SOX5: variants seen among roughly 807,000 people sequenced by gnomAD.
SOX5 encodes the protein SRY-box transcription factor 5.
SOX5 carries 9 observed loss-of-function variants against 92.0 expected under a neutral mutation model. That is an observed-to-expected ratio of 0.10 (90% CI 0.06 to 0.17). The LOEUF is 0.17. Among genes scored for constraint, SOX5 ranks in the 10% least tolerant of loss-of-function variants. The pLI is 1.00. For synonymous variants in SOX5, 344 were observed against 336.3 expected, an observed-to-expected ratio of 1.02 and a Z score of -0.25; for missense variants, 642 against 944.5, an observed-to-expected ratio of 0.68 and a Z score of 4.20.
At chr12:23,994,664 G>A (rs1000571509) in intron 4 of SOX5, among the ~76,000 whole-genome samples, 13 of 152,082 alleles carry the variant, frequency 8.5e-5, no homozygotes, top group African/African-American at 1.4e-4. Context: ...AGAGTGGGGC[G>A]TGGGAGGTGT....
chr12:23,968,645 C>T lies in SOX5; in HGVS notation c.-1-72621G>A, dbSNP rs143149327. On this transcript the variant is annotated intron_variant, in intron 4 of 4. Coordinates refer to the SOX5 transcript ENST00000446891. Reference sequence around the variant, plus strand: ...CCTTCTCAGCCTTCAGAACCATAAGCCAATAAATTTCTTTTCATTATACAT... The same window carrying T: ...CCTTCTCAGCCTTCAGAACCATAAGTCAATAAATTTCTTTTCATTATACAT... Among the ~76,000 whole-genome samples the T allele has an allele frequency of 1.4e-3, 206 of 152,310 alleles. 1 individual carries two copies. Among genetic ancestry groups the T allele is most frequent in the Middle Eastern group, 0.01 (3 of 294 alleles).
At chr12:24,099,170 T>C (rs1262939363) in intron 4 of SOX5, among the ~76,000 whole-genome samples, 1 of 152,158 alleles carries the variant, frequency 6.6e-6, no homozygotes, top group Non-Finnish European at 1.5e-5. Flanking sequence ...TCTGTAATAA[T>C]CCACCTTCCA....
At chr12:23,948,473 A>G (rs916337759) in intron 1 of SOX5, among the ~76,000 whole-genome samples, 1 of 151,940 alleles carries the variant, frequency 6.6e-6, no homozygotes, top group Non-Finnish European at 1.5e-5. Flanking sequence ...GACTTAGCAT[A>G]TTTTTAACCA....
At chr12:23,764,869 C>G (rs575223592) in intron 3 of SOX5, among the ~76,000 whole-genome samples, 1 of 151,988 alleles carries the variant, frequency 6.6e-6, no homozygotes, top group Non-Finnish European at 1.5e-5. Flanking sequence ...TGATAAAGCA[C>G]TACACATCCT....
chr12:23,592,415 A>G (rs992344156), intron 9 of SOX5, among the ~76,000 whole-genome samples: 8 of 152,194 alleles, frequency 5.3e-5, no homozygotes, highest in African/African-American at 1.9e-4. Flanking sequence ...TGAAAATGCA[A>G]CTGCTAAAAG....
intron 2 of SOX5, among the ~76,000 whole-genome samples, chr12:24,346,301 A>C (rs1305028192): frequency 3.3e-5 from 5 of 152,236 alleles, no homozygotes; most frequent in African/African-American, 1.2e-4. Flanking sequence ...TGAACCTTGA[A>C]TAGCAGGGAA....
chr12:24,142,877 G>GA (rs1950720925), intron 4 of SOX5, among the ~76,000 whole-genome samples: 1 of 150,762 alleles, frequency 6.6e-6, no homozygotes. Flanking sequence ...CCTGCATAGA[G>GA]AACTTGGGAG....
rs111640396 is a variant in SOX5, at chr12:23,759,921, T to C, written c.482-4197A>G. Among the ~76,000 whole-genome samples the C allele has an allele frequency of 1.7e-3, 264 of 152,216 alleles. 1 individual carries two copies. The highest frequency in any genetic ancestry group is 5.9e-3 in the African/African-American group (246 of 41,564). ...GCCCAGTTATTTGCAAATGTTCAAA[T>C]TCTGGAGTTTCCTTTAATTTTTTTT... On this transcript the variant is annotated intron_variant, in intron 3 of 14. Coordinates refer to ENST00000451604, the MANE Select transcript of SOX5 (RefSeq NM_006940.6).
chr12:23,604,137 CT>C (rs112043769), intron 9 of SOX5: 26 of 394,382 alleles, frequency 6.6e-5, no homozygotes, highest in African/African-American at 5.2e-4. Context: ...AGATACCCAT[CT>C]GATAATCTTT....
intron 1 of SOX5, among the ~76,000 whole-genome samples, chr12:24,468,519 T>A (rs992932809): frequency 6.6e-6 from 1 of 151,934 alleles, no homozygotes; most frequent in Admixed American, 6.6e-5. Flanking sequence ...TGGAAATGTA[T>A]AAGATTGATC....
At chr12:24,338,072 TG>T (rs1338641364) in intron 2 of SOX5, among the ~76,000 whole-genome samples, 10 of 152,296 alleles carry the variant, frequency 6.6e-5, no homozygotes, top group Non-Finnish European at 1.0e-4. Flanking sequence ...CTCTGGTTTT[TG>T]AAACACAAAT....
At chr12:24,018,603 C>G (rs1203381540) in intron 4 of SOX5, among the ~76,000 whole-genome samples, 1 of 152,096 alleles carries the variant, frequency 6.6e-6, no homozygotes, top group Non-Finnish European at 1.5e-5. Context: ...CAAGATCACC[C>G]TGACCAACAT....
At chr12:23,653,843 C>T (rs1022143010) in intron 7 of SOX5, among the ~76,000 whole-genome samples, 46 of 152,048 alleles carry the variant, frequency 3.0e-4, no homozygotes, top group African/African-American at 1.0e-3. Context: ...CCATTCTCCC[C>T]AACTAGACTA....
chr12:24,350,214 A>C (rs1292971089), intron 2 of SOX5, among the ~76,000 whole-genome samples: 2 of 152,246 alleles, frequency 1.3e-5, no homozygotes, highest in Non-Finnish European at 2.9e-5. Flanking sequence ...TTCCTTCTGT[A>C]GAAACCTTAG....
At chr12:24,482,714 C>G (rs1393075715) in intron 1 of SOX5, among the ~76,000 whole-genome samples, 2 of 152,082 alleles carry the variant, frequency 1.3e-5, no homozygotes, top group Non-Finnish European at 2.9e-5. Context: ...TTTTGTGATA[C>G]TACTTTTAAT....
chr12:24,307,515 A>AGGGAGGGAAGGAAGGAAGTT lies in SOX5; in HGVS notation c.-173-30204_-173-30203insAACTTCCTTCCTTCCCTCCC, dbSNP rs1595425385. ...GAAGGAAGGAAGGAAGGAAGGAAGG[A>AGGGAGGGAAGGAAGGAAGTT]AGGCCGGCCCCCCCACCCACCCACT... is the stretch of plus-strand genomic sequence containing the variant. On this transcript the variant is annotated intron_variant, in intron 2 of 4. Coordinates refer to the SOX5 transcript ENST00000446891. Among the ~76,000 whole-genome samples the AGGGAGGGAAGGAAGGAAGTT allele has an allele frequency of 1.6e-3, 38 of 24,470 alleles. 2 individuals carry two copies. Among genetic ancestry groups the AGGGAGGGAAGGAAGGAAGTT allele is most frequent in the East Asian group, 6.7e-3 (4 of 594 alleles). The allele number at this position is 24,470 out of a possible 152,430, so 16.1% of individuals were successfully genotyped here.
intron 4 of SOX5, among the ~76,000 whole-genome samples, chr12:24,099,727 C>G (rs1945855671): frequency 1.3e-5 from 2 of 152,208 alleles, no homozygotes; most frequent in Admixed American, 1.3e-4. Flanking sequence ...CTATTGGTTT[C>G]TTGAAGATGT....
chr12:24,077,889 T>A (rs1049832045), intron 4 of SOX5, among the ~76,000 whole-genome samples: 2 of 149,800 alleles, frequency 1.3e-5, no homozygotes, highest in Non-Finnish European at 3.0e-5. Flanking sequence ...CAATTCTGAA[T>A]GTTACATTAA....
chr12:24,298,398 G>T (rs1269986091), intron 2 of SOX5, among the ~76,000 whole-genome samples: 1 of 152,130 alleles, frequency 6.6e-6, no homozygotes, highest in African/African-American at 2.4e-5. Context: ...TAAAGAAACT[G>T]AATTTTAAAG....
Sources: gnomAD v4.1 joint callset for allele counts (sites outside exome capture counted in the v4.1 genomes callset) on GRCh38, gnomAD v4.1.1 for gene constraint, MANE v1.5 for transcripts, NCBI Gene and HGNC (gene_info 2026-07-23, HGNC 2026-07-21) for gene names.